GABRG3: variants seen among roughly 807,000 people sequenced by gnomAD.
The protein encoded by GABRG3 is gamma-aminobutyric acid receptor subunit gamma-3.
Under a neutral mutation model 48.8 loss-of-function variants are expected in GABRG3, and 25 were observed. That is an observed-to-expected ratio of 0.51 (90% confidence interval 0.37 to 0.72). GABRG3 has a LOEUF of 0.72. Ranked by LOEUF, GABRG3 falls within the 30% of genes least tolerant of loss-of-function variation. The pLI is 0.00. For synonymous variants in GABRG3, 227 were observed against 217.6 expected, an observed-to-expected ratio of 1.04 and a Z score of -0.38; for missense variants, 394 against 577.9, an observed-to-expected ratio of 0.68 and a Z score of 3.26.
Position 27,533,077 on chromosome 15 carries a change from C to T in GABRG3, c.*196C>T. 1 of 554,148 alleles carries T rather than the reference C, an allele frequency of 1.8e-6. No individual in the cohort carries two copies. Among genetic ancestry groups the T allele is most frequent in the Non-Finnish European group, 3.2e-6 (1 of 313,264 alleles). The allele number at this position is 554,148 out of a possible 1,614,324, so 34.3% of individuals were successfully genotyped here. A position where few individuals can be genotyped will look rare whatever the true frequency, so the allele number is the denominator to read the frequency against. On this transcript the variant is annotated 3_prime_UTR_variant, in exon 10 of 10. Coordinates refer to ENST00000615808, the MANE Select transcript of GABRG3 (RefSeq NM_033223.5). Reference sequence around the variant, plus strand: ...TATTTTACACACACACATACATACACACACACAGCTAATTGAGTTTTAAAG... The same window carrying T: ...TATTTTACACACACACATACATACATACACACAGCTAATTGAGTTTTAAAG...
At chr15:27,323,104 G>A (rs1893487845) in intron 3 of GABRG3, among the ~76,000 whole-genome samples, 1 of 152,120 alleles carries the variant, frequency 6.6e-6, no homozygotes, top group African/African-American at 2.4e-5. Context: ...GGAGAAAAAG[G>A]GCGAACAAGA....
intron 6 of GABRG3, among the ~76,000 whole-genome samples, chr15:27,507,549 T>A (rs929980452): frequency 1.3e-5 from 2 of 151,968 alleles, no homozygotes; most frequent in African/African-American, 4.8e-5. Flanking sequence ...CAAATAAATA[T>A]GTTAAGCTTC....
At chr15:27,374,693 G>T (rs540805887) in intron 5 of GABRG3, among the ~76,000 whole-genome samples, 1 of 152,176 alleles carries the variant, frequency 6.6e-6, no homozygotes, top group African/African-American at 2.4e-5. Context: ...CCACGCCAAG[G>T]TGTGTGTGGA....
intron 5 of GABRG3, among the ~76,000 whole-genome samples, chr15:27,421,709 C>T (rs774723977): frequency 1.3e-5 from 2 of 150,666 alleles, no homozygotes; most frequent in Admixed American, 6.6e-5. Flanking sequence ...ACTGAGTGTT[C>T]TAAGGCATCC....
rs151178916 is a variant in GABRG3, at chr15:27,077,506, A to G, written c.270+50685A>G. ...AGAAATGCCAAGACAAATGGAAACTAATTTGCAAATGCCCCTTATGGCTTA... is the reference window on the plus strand; with the variant it reads ...AGAAATGCCAAGACAAATGGAAACTGATTTGCAAATGCCCCTTATGGCTTA... On this transcript the variant is annotated intron_variant, in intron 3 of 9. Transcript: ENST00000615808. Among the ~76,000 whole-genome samples, 504 of 152,176 alleles carry G rather than the reference A, an allele frequency of 3.3e-3. 4 individuals carry two copies. The highest frequency in any genetic ancestry group is 0.011 in the African/African-American group (463 of 41,520).
At chr15:27,011,213 T>C (rs775293151) in intron 2 of GABRG3, among the ~76,000 whole-genome samples, 13 of 152,214 alleles carry the variant, frequency 8.5e-5, no homozygotes, top group Non-Finnish European at 1.6e-4. Context: ...CCACAGCATC[T>C]ACTTTTTCAA....
chr15:27,156,294 G>C, intron 3 of GABRG3, among the ~76,000 whole-genome samples: 1 of 61,476 alleles, frequency 1.6e-5, no homozygotes. Context: ...GCGACACTCT[G>C]TCTCAAAAAA....
intron 3 of GABRG3, among the ~76,000 whole-genome samples, chr15:27,068,355 A>C (rs932590789): frequency 6.6e-6 from 1 of 152,178 alleles, no homozygotes; most frequent in Non-Finnish European, 1.5e-5. Context: ...AGCCATCCAC[A>C]CTGCAGGAGC....
intron 3 of GABRG3, among the ~76,000 whole-genome samples, chr15:27,086,758 GT>G (rs1246718479): frequency 6.6e-6 from 1 of 152,198 alleles, no homozygotes; most frequent in African/African-American, 2.4e-5. Context: ...GATTGAAAAT[GT>G]TTTGTTTGTA....
At chr15:27,182,210 C>G (rs2140417339) in intron 3 of GABRG3, among the ~76,000 whole-genome samples, 1 of 152,182 alleles carries the variant, frequency 6.6e-6, no homozygotes, top group Admixed American at 6.5e-5. Flanking sequence ...TGCAGCTGAC[C>G]TTTAGGCCAC....
intron 5 of GABRG3, among the ~76,000 whole-genome samples, chr15:27,373,171 T>C (rs1004812511): frequency 1.3e-5 from 2 of 152,230 alleles, no homozygotes; most frequent in African/African-American, 4.8e-5. Context: ...CTAATCTTTC[T>C]GAGTGTATTT....
intron 5 of GABRG3, among the ~76,000 whole-genome samples, chr15:27,406,255 A>C (rs1303735560): frequency 6.6e-6 from 1 of 152,242 alleles, no homozygotes; most frequent in African/African-American, 2.4e-5. Context: ...CTGTCAGAAG[A>C]ATTCAAAATA....
At chr15:27,408,478 G>C (rs1475741120) in intron 5 of GABRG3, among the ~76,000 whole-genome samples, 1 of 152,150 alleles carries the variant, frequency 6.6e-6, no homozygotes, top group Admixed American at 6.5e-5. Context: ...CTGCTTTATA[G>C]TTCTGAAATT....
intron 2 of GABRG3, among the ~76,000 whole-genome samples, chr15:26,984,279 T>C (rs1450589083): frequency 1.3e-5 from 2 of 152,112 alleles, no homozygotes; most frequent in Non-Finnish European, 1.5e-5. Context: ...CATCCATGTA[T>C]GTTGGCATCT....
chr15:27,483,933 AC>A (rs1171755688), intron 6 of GABRG3, among the ~76,000 whole-genome samples: 1 of 151,878 alleles, frequency 6.6e-6, no homozygotes, highest in Admixed American at 6.6e-5. Context: ...AAAATCACAT[AC>A]TTTTTTTTCT....
At chr15:26,988,095 G>C (rs1895182606) in intron 2 of GABRG3, among the ~76,000 whole-genome samples, 4 of 152,162 alleles carry the variant, frequency 2.6e-5, no homozygotes, top group Non-Finnish European at 2.9e-5. Flanking sequence ...CTCTCATGCT[G>C]TGTACTTGGA....
intron 3 of GABRG3, among the ~76,000 whole-genome samples, chr15:27,034,922 T>G (rs766012794): frequency 6.6e-6 from 1 of 152,220 alleles, no homozygotes; most frequent in Admixed American, 6.5e-5. Context: ...TTTGCTCCAG[T>G]AGTCTTAGCT....
At chr15:27,467,283 C>T (rs1305357524) in intron 5 of GABRG3, among the ~76,000 whole-genome samples, 1 of 152,194 alleles carries the variant, frequency 6.6e-6, no homozygotes, top group East Asian at 1.9e-4. Flanking sequence ...ATTAACCTCC[C>T]AAATGCCCCA....
intron 6 of GABRG3, among the ~76,000 whole-genome samples, chr15:27,508,230 C>T (rs141260571): frequency 8.4e-4 from 128 of 152,250 alleles, no homozygotes; most frequent in African/African-American, 2.6e-3. Context: ...CTGTTGTTTC[C>T]TTTCCCTCTT....
Sources: allele counts gnomAD v4.1 joint callset (sites outside exome capture counted in the v4.1 genomes callset), GRCh38; gene constraint gnomAD v4.1.1; transcripts MANE v1.5; gene names NCBI Gene and HGNC (gene_info 2026-07-23, HGNC 2026-07-21).